CNNM1: variants seen among roughly 807,000 people sequenced by gnomAD.
CNNM1 encodes metal transporter CNNM1.
Under a neutral mutation model 78.8 loss-of-function variants are expected in CNNM1, and 44 were observed. The observed-to-expected ratio is 0.56, with a 90% CI of 0.44 to 0.72. CNNM1 has a LOEUF of 0.72. Ranked by LOEUF, CNNM1 falls within the 30% of genes least tolerant of loss-of-function variation. The pLI is 0.00. For synonymous variants in CNNM1, 584 were observed against 581.5 expected, an observed-to-expected ratio of 1.00 and a Z score of -0.06; for missense variants, 1,101 against 1,292.2, an observed-to-expected ratio of 0.85 and a Z score of 2.27.
intron 1 of CNNM1, among the ~76,000 whole-genome samples, chr10:99,354,973 A>G (rs1398698225): frequency 6.6e-6 from 1 of 152,136 alleles, no homozygotes; most frequent in Non-Finnish European, 1.5e-5. Flanking sequence ...GAAGGTGGGG[A>G]AAAAATTAGA....
intron 1 of CNNM1, among the ~76,000 whole-genome samples, chr10:99,348,502 G>A (rs964501683): frequency 1.3e-5 from 2 of 152,232 alleles, no homozygotes; most frequent in Admixed American, 6.5e-5. Context: ...CATTCAGTAA[G>A]TACTTGTTAA....
chr10:99,351,646 C>T (rs1434810302), intron 1 of CNNM1, among the ~76,000 whole-genome samples: 1 of 152,140 alleles, frequency 6.6e-6, no homozygotes, highest in Non-Finnish European at 1.5e-5. Flanking sequence ...TGATAAAGCC[C>T]TCATCCCTGT....
In CNNM1 at chr10:99,378,252, G is replaced by A. The variant is rs564704672; in HGVS notation, c.2340+1034G>A. On this transcript the variant is annotated intron_variant, in intron 7 of 10. Transcript: ENST00000356713. ...GCTGGGATTACAGGCGTGAGCCACC[G>A]CGCCCAGCCTGTTTTGTTTCCTAGT... is the stretch of plus-strand genomic sequence containing the variant. Among the ~76,000 whole-genome samples the A allele has an allele frequency of 9.2e-5, 14 of 152,244 alleles. No individual in the cohort carries two copies. In the East Asian group the frequency reaches 1.7e-3, roughly 19 times the overall value.
chr10:99,382,799 C>A (rs1462782535), intron 7 of CNNM1, among the ~76,000 whole-genome samples: 1 of 152,144 alleles, frequency 6.6e-6, no homozygotes, highest in African/African-American at 2.4e-5. Flanking sequence ...TCACATTAGC[C>A]TAAAGGTTAA....
At position 99,390,442 on chromosome 10, in the gene CNNM1, C is replaced by G. The variant is rs772914399; in HGVS notation, c.2776+35C>G. On this transcript the variant is annotated intron_variant, in intron 10 of 10. Transcript: ENST00000356713. ...TAGTTCTTCACCCAAATGAGAGCCA[C>G]CCTGCTGATGGTTAGTAGGAAAAGC... The G allele has an allele frequency of 4.1e-6, 6 of 1,454,392 alleles. No individual in the cohort carries two copies. The South Asian group carries it at 7.1e-5, about 17-fold the overall frequency. 90.1% of individuals were successfully genotyped at this position (1,454,392 alleles called of 1,614,324 possible).
In CNNM1 at chr10:99,340,861, G is replaced by GCTTC. The variant is rs936044538; in HGVS notation, c.1573+9916_1573+9919dup. The stretch of plus-strand genomic sequence containing the variant: ...TCTCTTTCTCTTTCTCTCCTTCCCC[G>GCTTC]CTTCCTTCCTTCCTTCCTGCCTGCC... On this transcript the variant is annotated intron_variant, in intron 1 of 10. Coordinates refer to ENST00000356713, the MANE Select transcript of CNNM1 (RefSeq NM_020348.3). Among the ~76,000 whole-genome samples, 164 of 132,782 alleles carry GCTTC rather than the reference G, an allele frequency of 1.2e-3. 3 individuals carry two copies. Among genetic ancestry groups the GCTTC allele is most frequent in the Non-Finnish European group, 1.8e-3 (114 of 63,488 alleles). 87.1% of individuals were successfully genotyped at this position (132,782 alleles called of 152,430 possible).
chr10:99,384,182 T>C (rs73328360), intron 7 of CNNM1, among the ~76,000 whole-genome samples: 5,321 of 152,286 alleles, frequency 0.035, 282 homozygotes, highest in African/African-American at 0.12. Context: ...TAAGTTGTCA[T>C]GAGTTGTTGA....
chr10:99,385,911 A>G (rs959474609), intron 7 of CNNM1, among the ~76,000 whole-genome samples: 4 of 152,208 alleles, frequency 2.6e-5, no homozygotes, highest in African/African-American at 2.4e-5. Context: ...AGTAAGATCA[A>G]CTGCTTTACT....
rs549491287 is a variant in CNNM1 at position 99,378,716 on chromosome 10, G to T, written c.2340+1498G>T. On this transcript the variant is annotated intron_variant, in intron 7 of 10. Coordinates refer to ENST00000356713, the MANE Select transcript of CNNM1 (RefSeq NM_020348.3). ...ACAGCCACCCTATGAGGTAGGTATT[G>T]CTGTCATTCCCATTTTCTAGATGAA... Among the ~76,000 whole-genome samples, 13 of 152,298 alleles carry T rather than the reference G, an allele frequency of 8.5e-5. No individual in the cohort carries two copies. The South Asian group carries it at 2.7e-3, about 32-fold the overall frequency.
At chr10:99,369,037 A>G (rs1000078270) in intron 6 of CNNM1, among the ~76,000 whole-genome samples, 2 of 151,960 alleles carry the variant, frequency 1.3e-5, no homozygotes, top group Admixed American at 1.3e-4. Flanking sequence ...ATTTCTACCT[A>G]TTTTCTTTCT....
chr10:99,353,880 G>C (rs143498263), intron 1 of CNNM1, among the ~76,000 whole-genome samples: 16 of 152,266 alleles, frequency 1.1e-4, no homozygotes, highest in African/African-American at 3.4e-4. Flanking sequence ...CTATTCCTTG[G>C]TGATAACATA....
At chr10:99,376,388 A>G (rs1229588147) in intron 6 of CNNM1, among the ~76,000 whole-genome samples, 2 of 152,226 alleles carry the variant, frequency 1.3e-5, no homozygotes, top group Non-Finnish European at 2.9e-5. Context: ...CCGTTTATCA[A>G]TGTGACTTCT....
In CNNM1 at chr10:99,387,834, A is replaced by G; in HGVS notation, c.2355A>G (p.Gln785=). 6.2e-7 allele frequency: 1 copy of G among 1,602,942 alleles called. No homozygotes were observed. The highest frequency in any genetic ancestry group is 8.5e-7 in the Non-Finnish European group (1 of 1,174,758). Residue 785 remains glutamine, a synonymous_variant, in exon 8 of 11, where the codon CAA becomes CAG. Coordinates refer to ENST00000356713, the MANE Select transcript of CNNM1 (RefSeq NM_020348.3). The part of the protein sequence containing the change: ...DVQFVKITRQ[Q]YQNALTACHM... ...CTTCCTTCCAGATCACACGGCAGCAATATCAGAACGCACTCACTGCCTGCC... is the reference window on the plus strand; with the variant it reads ...CTTCCTTCCAGATCACACGGCAGCAGTATCAGAACGCACTCACTGCCTGCC...
chr10:99,337,113 A>G (rs1459983994), intron 1 of CNNM1, among the ~76,000 whole-genome samples: 1 of 152,236 alleles, frequency 6.6e-6, no homozygotes, highest in African/African-American at 2.4e-5. Flanking sequence ...ACTACCTGTC[A>G]TGTAAGTACT....
intron 7 of CNNM1, among the ~76,000 whole-genome samples, chr10:99,380,997 T>G (rs2032131706): frequency 6.6e-6 from 1 of 152,182 alleles, no homozygotes; most frequent in African/African-American, 2.4e-5. Context: ...ACAGAAGACT[T>G]TGCTGCAATC....
intron 6 of CNNM1, among the ~76,000 whole-genome samples, chr10:99,369,886 A>C (rs192202846): frequency 1.3e-5 from 2 of 152,304 alleles, no homozygotes; most frequent in East Asian, 3.9e-4. Context: ...ATGGACCTTC[A>C]AGTTCCTTCA....
rs144737805 is a variant in CNNM1 at position 99,347,373 on chromosome 10, T to G, written c.1574-10139T>G. Among the ~76,000 whole-genome samples, 681 of 151,662 alleles carry G rather than the reference T, an allele frequency of 4.5e-3. 3 individuals are homozygous for G. The highest frequency in any genetic ancestry group is 0.016 in the African/African-American group (643 of 41,352). ...ATCTCTACTAAAAATACAAAAAAAT[T>G]AGACTGGCATGGTGGCAGGCACCTG... On this transcript the variant is annotated intron_variant, in intron 1 of 10. Coordinates refer to ENST00000356713, the MANE Select transcript of CNNM1 (RefSeq NM_020348.3).
intron 6 of CNNM1, among the ~76,000 whole-genome samples, chr10:99,367,004 G>A: frequency 6.6e-6 from 1 of 152,116 alleles, no homozygotes; most frequent in Non-Finnish European, 1.5e-5. Flanking sequence ...ATCTTCAGAA[G>A]GAAAAAGAAA....
chr10:99,356,560 G>GAAAGAAAGAAAGAAAAGA (rs1183548061), intron 1 of CNNM1, among the ~76,000 whole-genome samples: 46 of 86,834 alleles, frequency 5.3e-4, no homozygotes, highest in Non-Finnish European at 9.5e-4. Context: ...CAGACAGACA[G>GAAAGAAAGAAAGAAAAGA]ACAGAAAGAA....
Sources: gnomAD v4.1 joint callset for allele counts (sites outside exome capture counted in the v4.1 genomes callset) on GRCh38, gnomAD v4.1.1 for gene constraint, MANE v1.5 for transcripts, NCBI Gene and HGNC (gene_info 2026-07-23, HGNC 2026-07-21) for gene names.